DLC1: variants seen among roughly 807,000 people sequenced by gnomAD.
The protein encoded by DLC1 is rho GTPase-activating protein 7.
DLC1 carries 54 observed loss-of-function variants against 140.3 expected under a neutral mutation model. The ratio of observed to expected loss-of-function variants is 0.38; its 90% CI spans 0.31 to 0.48. DLC1 has a LOEUF of 0.48. Among genes scored for constraint, DLC1 ranks in the 20% least tolerant of loss-of-function variants. The probability of loss-of-function intolerance (pLI) is 0.96; values close to 1 mark genes in which losing one functional copy is unlikely to be tolerated. For missense variants in DLC1, 2,536 were observed against 1,907.0 expected (o/e 1.33, Z -6.14); for synonymous variants, 986 against 728.1 (o/e 1.35, Z -5.70).
chr8:13,327,496 C>T (rs1229372931), intron 4 of DLC1, among the ~76,000 whole-genome samples: 3 of 52,464 alleles, frequency 5.7e-5, no homozygotes, highest in Middle Eastern at 0.023. Flanking sequence ...GTAGAGTGGG[C>T]GGTGGGGGTG....
At chr8:13,191,545 T>C (rs1303226060) in intron 5 of DLC1, among the ~76,000 whole-genome samples, 1 of 152,082 alleles carries the variant, frequency 6.6e-6, no homozygotes, top group East Asian at 1.9e-4. Flanking sequence ...GAGGAGAAAG[T>C]AAAGTATGTG....
chr8:13,097,877 A>C (rs1458109051), intron 10 of DLC1, among the ~76,000 whole-genome samples: 2 of 151,994 alleles, frequency 1.3e-5, no homozygotes, highest in Admixed American at 6.6e-5. Context: ...AACAATATCA[A>C]ATGTGGCCTC....
intron 1 of DLC1, among the ~76,000 whole-genome samples, chr8:13,571,447 T>C (rs1157707771): frequency 6.6e-6 from 1 of 152,242 alleles, no homozygotes; most frequent in Non-Finnish European, 1.5e-5. Flanking sequence ...ATACTTCATA[T>C]CAGTGCAATC....
At chr8:13,539,360 C>T (rs1188413092) in intron 1 of DLC1, among the ~76,000 whole-genome samples, 1 of 152,072 alleles carries the variant, frequency 6.6e-6, no homozygotes, top group Non-Finnish European at 1.5e-5. Context: ...CCACCACACC[C>T]AGCTAATTTT....
intron 5 of DLC1, among the ~76,000 whole-genome samples, chr8:13,175,890 C>G (rs1825733552): frequency 6.6e-6 from 1 of 152,210 alleles, no homozygotes; most frequent in East Asian, 1.9e-4. Flanking sequence ...TCTCCTTCTC[C>G]AGTCCCTGCA....
chr8:13,249,621 C>A (rs1829916830), intron 5 of DLC1, among the ~76,000 whole-genome samples: 1 of 152,150 alleles, frequency 6.6e-6, no homozygotes, highest in Non-Finnish European at 1.5e-5. Flanking sequence ...AGACTTCCAA[C>A]CTATTTCTTC....
chr8:13,133,045 T>C, intron 5 of DLC1: 1 of 1,573,292 alleles, frequency 6.4e-7, no homozygotes, highest in Non-Finnish European at 8.6e-7. Context: ...CGGCTCGGCT[T>C]CCGCGTCGGG....
intron 5 of DLC1, among the ~76,000 whole-genome samples, chr8:13,269,079 T>G (rs937051105): frequency 3.9e-5 from 6 of 152,000 alleles, no homozygotes; most frequent in African/African-American, 1.4e-4. Context: ...TTCACTGTGT[T>G]AGCCAGAATG....
chr8:13,394,121 A>T (rs990697387), intron 3 of DLC1, among the ~76,000 whole-genome samples: 1 of 152,174 alleles, frequency 6.6e-6, no homozygotes, highest in Non-Finnish European at 1.5e-5. Flanking sequence ...ATACAAAGAG[A>T]GTTCTCATTT....
chr8:13,552,256 T>TCCCACCC (rs1803893599), intron 1 of DLC1, among the ~76,000 whole-genome samples: 1 of 148,092 alleles, frequency 6.8e-6, no homozygotes, highest in African/African-American at 2.5e-5. Flanking sequence ...CATACCTGTC[T>TCCCACCC]ACATATATAC....
At chr8:13,396,947 C>G (rs937683407) in intron 3 of DLC1, among the ~76,000 whole-genome samples, 14 of 152,044 alleles carry the variant, frequency 9.2e-5, no homozygotes, top group South Asian at 2.1e-4. Flanking sequence ...CCCGCCCCCC[C>G]CAACCCAACT....
At chr8:13,567,908 C>T (rs190827878) in intron 1 of DLC1, 70 of 1,551,860 alleles carry the variant, frequency 4.5e-5, no homozygotes, top group Admixed American at 2.0e-4. Context: ...AAGCGACTTA[C>T]TCTAATCAAA....
At chr8:13,140,447 C>T (rs998115749) in intron 5 of DLC1, among the ~76,000 whole-genome samples, 1 of 151,610 alleles carries the variant, frequency 6.6e-6, no homozygotes, top group Admixed American at 6.6e-5. Context: ...TGCCCAGGCT[C>T]TTCTTGAACT....
chr8:13,136,643 T>A (rs1822579696), intron 5 of DLC1, among the ~76,000 whole-genome samples: 1 of 152,170 alleles, frequency 6.6e-6, no homozygotes, highest in Non-Finnish European at 1.5e-5. Flanking sequence ...CAAGCGATCC[T>A]CTCACCTTAG....
At chr8:13,528,561 T>G (rs1478568626) in intron 1 of DLC1, among the ~76,000 whole-genome samples, 4 of 152,138 alleles carry the variant, frequency 2.6e-5, no homozygotes, top group African/African-American at 7.2e-5. Flanking sequence ...GAATAAAATA[T>G]AACAGAATTT....
At chr8:13,310,840 C>T (rs1832640641) in intron 4 of DLC1, among the ~76,000 whole-genome samples, 1 of 152,112 alleles carries the variant, frequency 6.6e-6, no homozygotes, top group Non-Finnish European at 1.5e-5. Flanking sequence ...ATAGTCTCTT[C>T]TTGATGGAGA....
At chr8:13,185,540 C>A (rs1311005942) in intron 5 of DLC1, among the ~76,000 whole-genome samples, 2 of 152,058 alleles carry the variant, frequency 1.3e-5, no homozygotes, top group Non-Finnish European at 2.9e-5. Flanking sequence ...ACCTCCTGAC[C>A]TTGTGATCTG....
intron 5 of DLC1, among the ~76,000 whole-genome samples, chr8:13,253,034 T>G (rs1473069559): frequency 6.6e-6 from 1 of 152,134 alleles, no homozygotes; most frequent in Non-Finnish European, 1.5e-5. Flanking sequence ...TCCAGTGGAT[T>G]AAGGGAAATG....
intron 1 of DLC1, among the ~76,000 whole-genome samples, chr8:13,532,578 TTCTCTCTCTCTC>T (rs61307108): frequency 3.3e-5 from 5 of 149,760 alleles, no homozygotes; most frequent in Admixed American, 6.7e-5. Context: ...CTCTCTCTCT[TTCTCTCTCTCTC>T]TCTCTCTCAG....
Sources: gnomAD v4.1 joint callset for allele counts (sites outside exome capture counted in the v4.1 genomes callset) on GRCh38, gnomAD v4.1.1 for gene constraint, MANE v1.5 for transcripts, NCBI Gene and HGNC (gene_info 2026-07-23, HGNC 2026-07-21) for gene names.